The following SLC17A1 variants were observed in gnomAD, a reference collection of about 807,000 sequenced individuals.
SLC17A1 encodes solute carrier family 17 member 1, also known as sodium-dependent phosphate transport protein 1.
SLC17A1 carries 51 observed loss-of-function variants against 53.5 expected under a neutral mutation model. The observed-to-expected ratio is 0.95, with a 90% CI of 0.76 to 1.20. The LOEUF is 1.20. SLC17A1 is among the 50% of genes most tolerant of loss of function. SLC17A1 has a pLI of 0.00. For synonymous variants in SLC17A1, 179 were observed against 198.8 expected, an observed-to-expected ratio of 0.90 and a Z score of 0.84; for missense variants, 538 against 568.2, an observed-to-expected ratio of 0.95 and a Z score of 0.54.
chr6:25,739,187 G>C, the SLC17A1 span, among the ~76,000 whole-genome samples: 1 of 152,344 alleles, frequency 6.6e-6, no homozygotes, highest in East Asian at 1.9e-4. Flanking sequence ...GGTGCTGGCA[G>C]ATCTGATCTC....
chr6:25,732,308 C>G, the SLC17A1 span, among the ~76,000 whole-genome samples: 1 of 152,184 alleles, frequency 6.6e-6, no homozygotes, highest in African/African-American at 2.4e-5. Flanking sequence ...AAGGCAATAG[C>G]AGTAAGGTTC....
At chr6:25,765,885 C>G in the SLC17A1 span, among the ~76,000 whole-genome samples, 12,009 of 151,854 alleles carry the variant, frequency 0.079, 890 homozygotes, top group African/African-American at 0.2. Context: ...CATACAAGAG[C>G]TGGTTCTTTG....
At chr6:25,795,249 C>T (rs1415105267) in intron 12 of SLC17A1, among the ~76,000 whole-genome samples, 2 of 152,214 alleles carry the variant, frequency 1.3e-5, no homozygotes, top group East Asian at 3.9e-4. Context: ...GAAATTCTAC[C>T]CACATCATCT....
intron 3 of SLC17A1, among the ~76,000 whole-genome samples, chr6:25,825,234 T>C (rs1344344883): frequency 1.3e-5 from 2 of 152,024 alleles, no homozygotes; most frequent in Admixed American, 1.3e-4. Flanking sequence ...ATCAATATAG[T>C]TGGATTAAAA....
intron 3 of SLC17A1, among the ~76,000 whole-genome samples, chr6:25,824,041 A>T (rs1764655149): frequency 6.6e-6 from 1 of 152,006 alleles, no homozygotes; most frequent in East Asian, 1.9e-4. Context: ...AAAATTGTAC[A>T]TCCATATGTA....
At chr6:25,775,341 AT>A in the SLC17A1 span, among the ~76,000 whole-genome samples, 1,278 of 149,460 alleles carry the variant, frequency 8.6e-3, 20 homozygotes, top group African/African-American at 0.029. Context: ...TAAAAAAAAA[AT>A]AGAAAGACTG....
the SLC17A1 span, chr6:25,727,341 A>C: frequency 6.8e-7 from 1 of 1,478,232 alleles, no homozygotes; most frequent in Non-Finnish European, 9.1e-7. Flanking sequence ...TTTCAGAGCC[A>C]CTTAAACATA....
downstream of SLC17A1, chr6:25,778,909 G>A: frequency 2.1e-6 from 2 of 970,014 alleles, no homozygotes; most frequent in Non-Finnish European, 3.1e-6. Context: ...AAATGTACTT[G>A]AGTATTCTAG....
At chr6:25,747,871 G>T in the SLC17A1 span, among the ~76,000 whole-genome samples, 1 of 152,024 alleles carries the variant, frequency 6.6e-6, no homozygotes, top group African/African-American at 2.4e-5. Context: ...TCCAGTCTAT[G>T]GTATTCTGTT....
Position 25,812,884 on chromosome 6 carries a change from T to C in SLC17A1, c.844A>G (p.Thr282Ala), listed in dbSNP as rs1296120693. 1.4e-5 allele frequency: 22 copies of C among 1,613,174 alleles called. No homozygotes were observed. Among genetic ancestry groups the C allele is most frequent in the Non-Finnish European group, 1.8e-5 (21 of 1,179,242 alleles). ...FTFFWSHNIM[T>A]LYTPMFINSM... ...TTGATAAACATTGGAGTGTATAGTG[T>C]CATGATGTTATGTGACCAGAAAAAC... Residue 282 changes from threonine (T) to alanine (A), a missense_variant, in exon 8 of 13, where the codon ACA becomes GCA. Thr to Ala is a moderately conservative substitution (Grantham distance 58, BLOSUM62 0). Transcript: ENST00000244527.
chr6:25,741,993 G>C, the SLC17A1 span, among the ~76,000 whole-genome samples: 1 of 152,106 alleles, frequency 6.6e-6, no homozygotes, highest in Non-Finnish European at 1.5e-5. Context: ...AGAACCAGAG[G>C]GCCACAGCTG....
At chr6:25,726,097 G>T in the SLC17A1 span, 2 of 1,429,246 alleles carry the variant, frequency 1.4e-6, no homozygotes, top group South Asian at 3.2e-5. Context: ...TGTTTTTTCT[G>T]ACACAGAAGT....
At chr6:25,809,476 G>T (rs532218185) in intron 10 of SLC17A1, among the ~76,000 whole-genome samples, 1 of 151,802 alleles carries the variant, frequency 6.6e-6, no homozygotes, top group Non-Finnish European at 1.5e-5. Context: ...TAGTTACAGT[G>T]AACTATCCAC....
chr6:25,746,764 C>T, the SLC17A1 span, among the ~76,000 whole-genome samples: 1,186 of 152,250 alleles, frequency 7.8e-3, 43 homozygotes, highest in East Asian at 0.027. Flanking sequence ...ATTATTCCTG[C>T]CTCCTGCTAT....
chr6:25,766,063 A>C, the SLC17A1 span, among the ~76,000 whole-genome samples: 2 of 151,242 alleles, frequency 1.3e-5, no homozygotes, highest in Non-Finnish European at 2.9e-5. Context: ...TAGGAATTAT[A>C]ATTTATAATT....
At chr6:25,793,455 C>G (rs116629263) in intron 12 of SLC17A1, among the ~76,000 whole-genome samples, 1,592 of 152,266 alleles carry the variant, frequency 0.01, 23 homozygotes, top group African/African-American at 0.033. Context: ...GGAATACTCA[C>G]TGACCTCCAG....
the SLC17A1 span, among the ~76,000 whole-genome samples, chr6:25,737,836 GT>G: frequency 6.6e-6 from 1 of 152,050 alleles, no homozygotes; most frequent in Non-Finnish European, 1.5e-5. Context: ...TATATAAATT[GT>G]TTTATTCTTA....
chr6:25,800,635 T>C (rs1763728562), intron 11 of SLC17A1, among the ~76,000 whole-genome samples: 1 of 152,158 alleles, frequency 6.6e-6, no homozygotes, highest in Non-Finnish European at 1.5e-5. Flanking sequence ...TTATCAAAAA[T>C]AACAGAAGTC....
chr6:25,737,174 GAC>G, the SLC17A1 span, among the ~76,000 whole-genome samples: 1 of 152,166 alleles, frequency 6.6e-6, no homozygotes, highest in Non-Finnish European at 1.5e-5. Context: ...TTCTATAGGT[GAC>G]AAGATTTGCA....
Sources: allele counts gnomAD v4.1 joint callset (sites outside exome capture counted in the v4.1 genomes callset), GRCh38; gene constraint gnomAD v4.1.1; transcripts MANE v1.5; gene names NCBI Gene and HGNC (gene_info 2026-07-23, HGNC 2026-07-21).